Variants in NRAP observed in about 807,000 individuals in gnomAD.
The protein encoded by NRAP is nebulin related anchoring protein, also known as nebulin-related-anchoring protein.
In NRAP, 189 loss-of-function variants were observed where a neutral mutation model predicts 225.9. The ratio of observed to expected loss-of-function variants is 0.84; its 90% CI spans 0.74 to 0.94. The LOEUF (loss-of-function observed/expected upper bound fraction) is 0.94, where lower values mean the gene tolerates loss of function less well. NRAP is among the 40% of genes least tolerant of loss of function. The pLI is 0.00. For synonymous variants in NRAP, 769 were observed against 790.7 expected, an observed-to-expected ratio of 0.97 and a Z score of 0.46; for missense variants, 2,176 against 2,168.7, an observed-to-expected ratio of 1.00 and a Z score of -0.07.
chr10:113,657,405 T>A (rs1252872963), intron 4 of NRAP, 65 bp downstream of exon 4: 1 of 835,730 alleles, frequency 1.2e-6, no homozygotes, highest in East Asian at 2.4e-5. Context: ...ATAATAATAA[T>A]ACACTCAATT....
At chr10:113,626,018 T>G (rs1368563612) in intron 21 of NRAP, 29 bp downstream of exon 21, 13 of 1,518,020 alleles carry the variant, frequency 8.6e-6, no homozygotes, top group Non-Finnish European at 1.1e-5. Context: ...CACAGCAGCT[T>G]GGTGGAGAAA....
chr10:113,590,104 A>G (rs1203447478), intron 40 of NRAP, among the ~76,000 whole-genome samples: 1 of 152,142 alleles, frequency 6.6e-6, no homozygotes, highest in Admixed American at 6.5e-5. Flanking sequence ...TAGGGAAGCC[A>G]CTTCCCTTCT....
intron 9 of NRAP, among the ~76,000 whole-genome samples, chr10:113,648,459 CTCTCTCTCTATA>C (rs1564753861): frequency 1.6e-5 from 2 of 126,912 alleles, no homozygotes; most frequent in South Asian, 2.5e-4. Flanking sequence ...CTCTCTCTCT[CTCTCTCTCTATA>C]TATATATATA....
chr10:113,589,930 G>C, intron 40 of NRAP, 133 bp from the exon 41 acceptor site: 2 of 1,016,904 alleles, frequency 2.0e-6, no homozygotes, highest in Non-Finnish European at 2.8e-6. Context: ...CCAGAACAAG[G>C]GGAACAAATT....
At chr10:113,663,267 G>A (rs1048581184) in intron 2 of NRAP, 85 bp downstream of exon 2, 3 of 813,064 alleles carry the variant, frequency 3.7e-6, no homozygotes, top group Non-Finnish European at 6.4e-6. Flanking sequence ...TTAACCCTGG[G>A]TTATATGATT....
At chr10:113,604,504 G>T in intron 35 of NRAP, 105 bp downstream of exon 35, 1 of 917,022 alleles carries the variant, frequency 1.1e-6, no homozygotes, top group Non-Finnish European at 1.7e-6. Context: ...GGCAGATAGG[G>T]GCAGGAGAGC....
At chr10:113,610,386 A>G in intron 31 of NRAP, 73 bp downstream of exon 31, 2 of 770,348 alleles carry the variant, frequency 2.6e-6, no homozygotes, top group Non-Finnish European at 4.4e-6. Flanking sequence ...AAGAAAGAAA[A>G]AGGAAAGAAA....
Position 113,621,962 on chromosome 10 carries a change from G to A in NRAP, c.2676C>T (p.Asp892=), listed in dbSNP as rs143347957. Residue 892 remains aspartate (D), a synonymous_variant, in exon 24 of 42, where the codon GAC becomes GAT. Coordinates refer to ENST00000359988, the MANE Select transcript of NRAP (RefSeq NM_198060.4). ...HARKAQHLAT[D]VGYKTAEHHF... Reference sequence around the variant, plus strand: ...GATGTTCCGCTGTCTTGTAGCCTACGTCTGTGGCTAAATGCTGAGCTTTGC... The same window carrying A: ...GATGTTCCGCTGTCTTGTAGCCTACATCTGTGGCTAAATGCTGAGCTTTGC... 3.8e-5 allele frequency: 62 copies of A among 1,614,108 alleles called. No individual in the cohort carries two copies. The highest frequency in any genetic ancestry group is 2.0e-4 in the African/African-American group (15 of 74,944).
intron 35 of NRAP, among the ~76,000 whole-genome samples, chr10:113,600,866 C>T (rs1281946545): frequency 6.6e-6 from 1 of 152,170 alleles, no homozygotes; most frequent in East Asian, 1.9e-4. Flanking sequence ...TATGCCAATG[C>T]CTAGCCCAGG....
chr10:113,610,001 C>T lies in NRAP; in HGVS notation c.3603+458G>A, dbSNP rs1249378581. ...AAAAAAAGTCCAGCCCAGGGGGTTACGGAGTGAGTCACTGCTGCTAAGAGT... is the reference window on the plus strand; with the variant it reads ...AAAAAAAGTCCAGCCCAGGGGGTTATGGAGTGAGTCACTGCTGCTAAGAGT... On this transcript the variant is annotated intron_variant, in intron 31 of 41. Transcript: ENST00000359988. 3.3e-5 allele frequency among the ~76,000 whole-genome samples: 5 copies of T among 151,048 alleles called. No homozygotes were observed. In the South Asian group the frequency reaches 6.3e-4, roughly 19 times the overall value.
chr10:113,607,399 C>CAAAAAAAAAAAAAAAAAAAAAAAAA (rs543627940), intron 32 of NRAP, among the ~76,000 whole-genome samples: 60 of 68,602 alleles, frequency 8.7e-4, no homozygotes, highest in Non-Finnish European at 1.2e-3. Context: ...GAAACTCCGT[C>CAAAAAAAAAAAAAAAAAAAAAAAAA]AAAAAAAAAA....
In NRAP at chr10:113,614,826, G is replaced by T. The variant is rs749440199; in HGVS notation, c.3186+13C>A. 1 of 1,466,222 alleles carries T rather than the reference G, an allele frequency of 6.8e-7. No individual in the cohort carries two copies. The highest frequency in any genetic ancestry group is 9.6e-7 in the Non-Finnish European group (1 of 1,044,644). 90.8% of individuals were successfully genotyped at this position (1,466,222 alleles called of 1,614,324 possible). On this transcript the variant is annotated intron_variant, in intron 28 of 41. Transcript: ENST00000359988. ...TGTTGAACATTGTCACAAGAATGGG[G>T]GTGAATGCTCACATCACTTATGATT...
At chr10:113,630,108 G>C (rs574016617) in intron 18 of NRAP, among the ~76,000 whole-genome samples, 1 of 152,336 alleles carries the variant, frequency 6.6e-6, no homozygotes, top group South Asian at 2.1e-4. Flanking sequence ...TTGGGCTGCA[G>C]AGCCAGACAA....
chr10:113,600,368 T>A (rs974084253), intron 35 of NRAP, among the ~76,000 whole-genome samples: 3 of 152,034 alleles, frequency 2.0e-5, no homozygotes, highest in African/African-American at 7.2e-5. Flanking sequence ...TTTGTAGAGA[T>A]GGAGTCTCCC....
Position 113,595,717 on chromosome 10 carries a change from C to T in NRAP, c.4442G>A (p.Arg1481Lys), listed in dbSNP as rs762456819. ...GTGCAGGGATTCTGCATCTCCAGAT[C>T]TATACATGCGCTGTAGATAAGATGG... is the stretch of plus-strand genomic sequence containing the variant. ...SYMHCNERMY[R>K]SGDAESLHRY... is the part of the protein sequence containing the mutation. Residue 1481 changes from arginine (R) to lysine (K), a missense_variant, in exon 38 of 42, where the codon AGA (arginine) becomes AAA (lysine). Physicochemically the swap from Arg to Lys is conservative, Grantham distance 26. This residue lies in a region of NRAP where 445 missense variants were observed against 426.1 expected (regional missense o/e 1.04). Coordinates refer to ENST00000359988, the MANE Select transcript of NRAP (RefSeq NM_198060.4). 1.9e-6 allele frequency: 3 copies of T among 1,609,214 alleles called. No individual in the cohort carries two copies. The East Asian group carries it at 6.7e-5, about 36-fold the overall frequency.
chr10:113,594,253 C>G (rs1314755407), intron 38 of NRAP, among the ~76,000 whole-genome samples: 1 of 152,204 alleles, frequency 6.6e-6, no homozygotes, highest in Non-Finnish European at 1.5e-5. Flanking sequence ...ATCTTCCTCA[C>G]AGAGCACTTG....
At chr10:113,657,360 G>A in intron 4 of NRAP, 110 bp downstream of exon 4, 2 of 654,754 alleles carry the variant, frequency 3.1e-6, no homozygotes, top group Non-Finnish European at 5.4e-6. Context: ...TACAAACTGG[G>A]TGAAAGGAAA....
intron 18 of NRAP, among the ~76,000 whole-genome samples, chr10:113,630,387 G>A (rs1848514036): frequency 6.6e-6 from 1 of 152,154 alleles, no homozygotes; most frequent in African/African-American, 2.4e-5. Context: ...CAGCAATGAT[G>A]GTGATTGATG....
At chr10:113,623,425 T>G in intron 23 of NRAP, 104 bp downstream of exon 23, 4 of 634,188 alleles carry the variant, frequency 6.3e-6, no homozygotes, top group Non-Finnish European at 1.1e-5. Flanking sequence ...ATAAGAATCC[T>G]GAGATTCAGA....
Sources: gnomAD v4.1 joint callset for allele counts (sites outside exome capture counted in the v4.1 genomes callset) on GRCh38, gnomAD v4.1.1 for gene constraint, gnomAD v4.1.1 regional missense constraint, MANE v1.5 for transcripts, NCBI Gene and HGNC (gene_info 2026-07-23, HGNC 2026-07-21) for gene names.